Variants in CNR1 observed in about 807,000 individuals in gnomAD.
The protein encoded by CNR1 is cannabinoid receptor 1 (brain).
A neutral mutation model predicts 23.0 loss-of-function variants in CNR1; 10 were observed. The ratio of observed to expected loss-of-function variants is 0.43; its 90% CI spans 0.27 to 0.74. The LOEUF is 0.74. Ranked by LOEUF, CNR1 falls within the 30% of genes least tolerant of loss-of-function variation. The pLI, the probability that CNR1 is intolerant of heterozygous loss-of-function variation, is 0.19. For missense variants in CNR1, 422 were observed against 618.8 expected (o/e 0.68, Z 3.37); for synonymous variants, 271 against 255.2 (o/e 1.06, Z -0.59).
chr6:88,144,828 G>A lies in CNR1; in HGVS notation c.447C>T (p.Cys149=). Residue 149 remains cysteine, a synonymous_variant, in exon 2 of 2, where the codon TGC becomes TGT. Coordinates refer to ENST00000369501, the MANE Select transcript of CNR1 (RefSeq NM_016083.6). The surrounding 1 kb of genome is among the most constrained non-coding windows in gnomAD (Gnocchi z 7.8). ...CVILHSRSLR[C]RPSYHFIGSL... is the part of the protein sequence containing the mutation. ...TGCCGATGAAGTGGTAGGAAGGCCT[G>A]CAGCGGAGGCTGCGGGAGTGGAGGA... 6.2e-7 allele frequency: 1 copy of A among 1,614,216 alleles called. No homozygotes were observed. The highest frequency in any genetic ancestry group is 8.5e-7 in the Non-Finnish European group (1 of 1,180,028).
chr6:88,164,449 A>G (rs2127773545), intron 1 of CNR1: 1 of 152,478 alleles, frequency 6.6e-6, no homozygotes, highest in South Asian at 2.1e-4. Context: ...AATGTTTAAA[A>G]TTCTGGAGGT....
chr6:88,142,699 T>C lies in CNR1; in HGVS notation c.*1157A>G, dbSNP rs1288792083. On this transcript the variant is annotated 3_prime_UTR_variant, in exon 2 of 2. Coordinates refer to ENST00000369501, the MANE Select transcript of CNR1 (RefSeq NM_016083.6). ...AAGAGTGCAGCAAGTGGTAAAAGTT[T>C]ATACTTGGTCACAGTTTTCTCACTT... 1 of 152,668 alleles carries C rather than the reference T, an allele frequency of 6.6e-6. No individual in the cohort carries two copies. The highest frequency in any genetic ancestry group is 1.5e-5 in the Non-Finnish European group (1 of 68,048). 9.5% of individuals were successfully genotyped at this position (152,668 alleles called of 1,614,324 possible). A position where few individuals can be genotyped will look rare whatever the true frequency, so the allele number is the denominator to read the frequency against.
chr6:88,166,845 G>A (rs1004417154), upstream of CNR1, among the ~76,000 whole-genome samples: 1 of 152,000 alleles, frequency 6.6e-6, no homozygotes, highest in Admixed American at 6.5e-5. Flanking sequence ...GGGCCCGGGG[G>A]TGCGGTCTCG....
Position 88,145,075 on chromosome 6 carries a change from T to G in CNR1, c.200A>C (p.Asn67Thr), listed in dbSNP as rs752064133. The part of the protein sequence containing the change: ...PFQEKMTAGD[N>T]PQLVPADQVN... ...CTGGTCTGCTGGGACTAGCTGGGGG[T>G]TGTCTCCCGCAGTCATCTTCTCTTG... The change falls in exon 2 of 2, where the codon AAC (asparagine) becomes ACC (threonine). Residue 67 changes from asparagine to threonine, a missense_variant. Asn to Thr is a moderately conservative substitution (Grantham distance 65). Transcript: ENST00000369501. 2 of 1,614,056 alleles carry G rather than the reference T, an allele frequency of 1.2e-6. No individual in the cohort carries two copies. The highest frequency in any genetic ancestry group is 1.1e-5 in the South Asian group (1 of 91,066).
At chr6:88,167,058 C>T (rs1446600411), upstream of CNR1, among the ~76,000 whole-genome samples, 3 of 151,950 alleles carry the variant, frequency 2.0e-5, no homozygotes, top group South Asian at 4.1e-4. Flanking sequence ...CGCCCTTTCC[C>T]GGCGAGACCA....
intron 1 of CNR1, among the ~76,000 whole-genome samples, chr6:88,154,366 T>C (rs1459479147): frequency 2.0e-5 from 3 of 152,192 alleles, no homozygotes; most frequent in Admixed American, 2.0e-4. Context: ...GTCTTGCAAC[T>C]TCATTGGGTT....
At chr6:88,150,292 A>G (rs1048609577) in intron 1 of CNR1, among the ~76,000 whole-genome samples, 1 of 152,232 alleles carries the variant, frequency 6.6e-6, no homozygotes, top group Non-Finnish European at 1.5e-5. Context: ...AAAGGTACAG[A>G]AAGACATACA....
intron 1 of CNR1, among the ~76,000 whole-genome samples, chr6:88,158,715 G>C (rs1777930386): frequency 6.6e-6 from 1 of 152,146 alleles, no homozygotes. Context: ...AAATGAGAAG[G>C]GGAAGTAGAT....
chr6:88,149,870 G>A (rs1402410085), intron 1 of CNR1, among the ~76,000 whole-genome samples: 1 of 152,112 alleles, frequency 6.6e-6, no homozygotes, highest in Non-Finnish European at 1.5e-5. Context: ...TCCATAACTA[G>A]AATGAGATCT....
intron 1 of CNR1, among the ~76,000 whole-genome samples, chr6:88,163,708 G>C (rs1778225297): frequency 6.6e-6 from 1 of 152,164 alleles, no homozygotes; most frequent in Admixed American, 6.5e-5. Context: ...GTTTTCTTTT[G>C]GAAGAGGCTG....
At chr6:88,161,409 T>G (rs1412383272) in intron 1 of CNR1, among the ~76,000 whole-genome samples, 1 of 152,248 alleles carries the variant, frequency 6.6e-6, no homozygotes, top group East Asian at 1.9e-4. Context: ...GATTAAGTTA[T>G]TAGCTTAACC....
Position 88,143,644 on chromosome 6 carries a change from C to G in CNR1, c.*212G>C, listed in dbSNP as rs1341609736. ...AAGGATCGTTCAGTCACTTAAACAACAGGCTTTCTTCACTGTAAACCCCTG... is the reference window on the plus strand; with the variant it reads ...AAGGATCGTTCAGTCACTTAAACAAGAGGCTTTCTTCACTGTAAACCCCTG... On this transcript the variant is annotated 3_prime_UTR_variant, in exon 2 of 2. Coordinates refer to ENST00000369501, the MANE Select transcript of CNR1 (RefSeq NM_016083.6). 1.2e-5 allele frequency: 6 copies of G among 518,562 alleles called. No homozygotes were observed. Among genetic ancestry groups the G allele is most frequent in the Non-Finnish European group, 2.0e-5 (6 of 294,136 alleles). The allele number at this position is 518,562 out of a possible 1,614,324, so 32.1% of individuals were successfully genotyped here.
Position 88,143,461 on chromosome 6 carries a change from T to C in CNR1, c.*395A>G, listed in dbSNP as rs1256348701. ...AAAATATCTCTAGTACTATAACTTG[T>C]AAAAATGGACATCTCTGATACTACG... On this transcript the variant is annotated 3_prime_UTR_variant, in exon 2 of 2. Transcript: ENST00000369501. 1 of 187,560 alleles carries C rather than the reference T, an allele frequency of 5.3e-6. No individual in the cohort carries two copies. The highest frequency in any genetic ancestry group is 1.1e-5 in the Non-Finnish European group (1 of 89,368). 11.6% of individuals were successfully genotyped at this position (187,560 alleles called of 1,614,324 possible). A position where few individuals can be genotyped will look rare whatever the true frequency, so the allele number is the denominator to read the frequency against.
At chr6:88,147,389 T>C (rs746984010) in intron 1 of CNR1, among the ~76,000 whole-genome samples, 1 of 151,976 alleles carries the variant, frequency 6.6e-6, no homozygotes. Flanking sequence ...AAAGAAAGCA[T>C]GGGGAGAGCT....
In CNR1 at chr6:88,144,620, G is replaced by A; in HGVS notation, c.655C>T (p.His219Tyr). 1 of 1,614,224 alleles carries A rather than the reference G, an allele frequency of 6.2e-7. No homozygotes were observed. Among genetic ancestry groups the A allele is most frequent in the Non-Finnish European group, 8.5e-7 (1 of 1,180,048 alleles). The part of the protein sequence containing the change: ...LTAIDRYISI[H>Y]RPLAYKRIVT... ...ATCCTCTTATAGGCCAGGGGCCTGT[G>A]AATGGATATGTACCTGTCGATGGCT... Residue 219 changes from histidine (H) to tyrosine (Y), a missense_variant, in exon 2 of 2, where the codon CAC becomes TAC. By Grantham distance (83) the His-to-Tyr change is moderately conservative. This residue lies in a region of CNR1 where 211 missense variants were observed against 357.3 expected (regional missense o/e 0.59). Coordinates refer to ENST00000369501, the MANE Select transcript of CNR1 (RefSeq NM_016083.6). This position sits in a 1 kb window ranked among gnomAD's most constrained non-coding sequence, Gnocchi z 7.8.
upstream of CNR1, among the ~76,000 whole-genome samples, chr6:88,166,594 T>C (rs758820012): frequency 2.6e-5 from 4 of 151,878 alleles, no homozygotes; most frequent in Non-Finnish European, 5.9e-5. Context: ...TTCCTCCTCC[T>C]CCTCCGCCGC....
chr6:88,144,886 G>A lies in CNR1; in HGVS notation c.389C>T (p.Thr130Met). ...AVLSLTLGTF[T>M]VLENLLVLCV... ...CAGCACCAGGAGGTTCTCCAGGACC[G>A]TGAAGGTGCCCAGCGTGAGGGACAG... Residue 130 changes from threonine (T) to methionine (M), a missense_variant, in exon 2 of 2, where the codon ACG becomes ATG. Physicochemically the swap from Thr to Met is moderately conservative, Grantham distance 81 (BLOSUM62 -1). Transcript: ENST00000369501. The surrounding 1 kb of genome is among the most constrained non-coding windows in gnomAD (Gnocchi z 7.8). 1 of 1,614,210 alleles carries A rather than the reference G, an allele frequency of 6.2e-7. No homozygotes were observed. The highest frequency in any genetic ancestry group is 8.5e-7 in the Non-Finnish European group (1 of 1,180,020).
chr6:88,146,715 T>C (rs1157002021), intron 1 of CNR1, among the ~76,000 whole-genome samples: 2 of 152,258 alleles, frequency 1.3e-5, no homozygotes, highest in African/African-American at 4.8e-5. Flanking sequence ...GTGATATCTA[T>C]AACAATTAAA....
upstream of CNR1, among the ~76,000 whole-genome samples, chr6:88,166,834 C>A (rs532880761): frequency 2.0e-5 from 3 of 151,968 alleles, no homozygotes; most frequent in Non-Finnish European, 4.4e-5. Flanking sequence ...CGAGGCGCGC[C>A]GGGCCCGGGG....
Sources: gnomAD v4.1 joint callset for allele counts (sites outside exome capture counted in the v4.1 genomes callset) on GRCh38, gnomAD v4.1.1 for gene constraint, gnomAD v4.1.1 regional missense constraint, Gnocchi (gnomAD v3.1) non-coding constraint, MANE v1.5 for transcripts, NCBI Gene and HGNC (gene_info 2026-07-23, HGNC 2026-07-21) for gene names.